The following PRKN variants were observed in gnomAD, a reference collection of about 807,000 sequenced individuals.
The protein encoded by PRKN is E3 ubiquitin-protein ligase parkin.
Under a neutral mutation model 59.5 loss-of-function variants are expected in PRKN, and 56 were observed. The ratio of observed to expected loss-of-function variants is 0.94; its 90% CI spans 0.76 to 1.18. The LOEUF is 1.18. Among genes scored for constraint, PRKN ranks in the 50% most tolerant of loss-of-function variants. PRKN has a pLI of 0.00. For synonymous variants in PRKN, 250 were observed against 222.1 expected (o/e 1.13, Z -1.12); for missense variants, 657 against 596.4 (o/e 1.10, Z -1.06).
intron 3 of PRKN, among the ~76,000 whole-genome samples, chr6:162,249,112 T>G (rs1779322143): frequency 6.6e-6 from 1 of 152,144 alleles, no homozygotes; most frequent in Non-Finnish European, 1.5e-5. Context: ...TCTCTTGACC[T>G]CGTGATCAGC....
intron 1 of PRKN, among the ~76,000 whole-genome samples, chr6:162,647,152 C>T (rs1778215026): frequency 6.6e-6 from 1 of 151,786 alleles, no homozygotes; most frequent in South Asian, 2.1e-4. Flanking sequence ...TCTCTCTCTT[C>T]TAGAGAGAAA....
intron 4 of PRKN, among the ~76,000 whole-genome samples, chr6:162,183,909 C>T (rs184110498): frequency 6.6e-6 from 1 of 152,264 alleles, no homozygotes; most frequent in Admixed American, 6.5e-5. Flanking sequence ...CACCTGACTG[C>T]CCCAGGGAGA....
chr6:161,689,581 T>C (rs940603808), intron 7 of PRKN, among the ~76,000 whole-genome samples: 1 of 152,176 alleles, frequency 6.6e-6, no homozygotes, highest in African/African-American at 2.4e-5. Flanking sequence ...CAGCATGCCC[T>C]GAGTGTCCCT....
intron 5 of PRKN, among the ~76,000 whole-genome samples, chr6:162,020,833 G>A (rs1025505099): frequency 5.3e-5 from 8 of 151,814 alleles, no homozygotes; most frequent in Non-Finnish European, 8.8e-5. Flanking sequence ...GGCCCGGCGC[G>A]GTGGCTCATG....
chr6:162,388,037 C>T (rs1055024916), intron 2 of PRKN, among the ~76,000 whole-genome samples: 1 of 152,162 alleles, frequency 6.6e-6, no homozygotes, highest in Non-Finnish European at 1.5e-5. Context: ...ATATTCTCTG[C>T]AAAGCAGAGA....
chr6:161,374,730 ATATGTGTGGTGTGTGTG>A (rs1562403967), intron 10 of PRKN, among the ~76,000 whole-genome samples: 1 of 2,044 alleles, frequency 4.9e-4, no homozygotes, highest in Non-Finnish European at 1.1e-3. Context: ...CATGTGTGAC[ATATGTGTGGTGTGTGTG>A]TGTGTGTGGT....
intron 2 of PRKN, among the ~76,000 whole-genome samples, chr6:162,309,899 T>C (rs1583354151): frequency 6.6e-6 from 1 of 152,120 alleles, no homozygotes; most frequent in South Asian, 2.1e-4. Context: ...GTGTGTGTTG[T>C]TCCCTATATG....
intron 7 of PRKN, among the ~76,000 whole-genome samples, chr6:161,714,213 G>A (rs1251907660): frequency 6.6e-6 from 1 of 152,154 alleles, no homozygotes; most frequent in Non-Finnish European, 1.5e-5. Flanking sequence ...GAAAAGAGGG[G>A]AAGAAAGAGA....
chr6:162,589,077 G>A (rs1781194387), intron 1 of PRKN, among the ~76,000 whole-genome samples: 1 of 152,062 alleles, frequency 6.6e-6, no homozygotes, highest in Non-Finnish European at 1.5e-5. Flanking sequence ...CATCAATCTT[G>A]TACTGTTATG....
At chr6:162,122,651 C>T (rs1176792773) in intron 4 of PRKN, among the ~76,000 whole-genome samples, 1 of 152,096 alleles carries the variant, frequency 6.6e-6, no homozygotes, top group African/African-American at 2.4e-5. Context: ...TGCTGACTGA[C>T]CTAGAAAAGC....
chr6:162,460,544 T>C (rs74407537), intron 1 of PRKN, among the ~76,000 whole-genome samples: 2,277 of 152,338 alleles, frequency 0.015, 31 homozygotes, highest in Middle Eastern at 0.041. Context: ...AGTAAAACTG[T>C]ATCTCCTCCG....
intron 1 of PRKN, among the ~76,000 whole-genome samples, chr6:162,514,038 TC>T (rs1330029782): frequency 3.3e-5 from 5 of 151,140 alleles, no homozygotes; most frequent in African/African-American, 1.2e-4. Context: ...ACAGCGAGAC[TC>T]CATCTCAAAA....
At chr6:161,834,198 G>T (rs536293868) in intron 6 of PRKN, among the ~76,000 whole-genome samples, 3 of 151,952 alleles carry the variant, frequency 2.0e-5, no homozygotes, top group Non-Finnish European at 4.4e-5. Flanking sequence ...TCTAGGAGCC[G>T]AGAGGTTTGC....
intron 2 of PRKN, among the ~76,000 whole-genome samples, chr6:162,403,325 C>G (rs1787891905): frequency 6.6e-6 from 1 of 152,046 alleles, no homozygotes; most frequent in African/African-American, 2.4e-5. Flanking sequence ...CTTCCCCATG[C>G]AGCCCTGTGC....
At chr6:161,640,761 A>G (rs2128158328) in intron 7 of PRKN, among the ~76,000 whole-genome samples, 1 of 152,328 alleles carries the variant, frequency 6.6e-6, no homozygotes, top group South Asian at 2.1e-4. Context: ...CCTCCCCAGA[A>G]CTAACACAGA....
At chr6:161,644,008 G>C (rs1783836711) in intron 7 of PRKN, among the ~76,000 whole-genome samples, 1 of 152,076 alleles carries the variant, frequency 6.6e-6, no homozygotes. Flanking sequence ...AGAGGAGCAA[G>C]TAAAAAACTA....
intron 1 of PRKN, among the ~76,000 whole-genome samples, chr6:162,535,666 T>C (rs1778686131): frequency 6.6e-6 from 1 of 152,198 alleles, no homozygotes; most frequent in African/African-American, 2.4e-5. Flanking sequence ...CCCAGCACTT[T>C]GGGAGGCCGA....
intron 7 of PRKN, among the ~76,000 whole-genome samples, chr6:161,717,883 A>G (rs1343520250): frequency 2.0e-5 from 3 of 152,100 alleles, no homozygotes. Context: ...TTCCCCTTCC[A>G]TGGTGAGTGG....
intron 2 of PRKN, among the ~76,000 whole-genome samples, chr6:162,383,819 C>T (rs1786631433): frequency 6.6e-6 from 1 of 152,182 alleles, no homozygotes; most frequent in South Asian, 2.1e-4. Context: ...TGATCATAAC[C>T]AGAACTTCTG....
Sources: allele counts gnomAD v4.1 joint callset (sites outside exome capture counted in the v4.1 genomes callset), GRCh38; gene constraint gnomAD v4.1.1; transcripts MANE v1.5; gene names NCBI Gene and HGNC (gene_info 2026-07-23, HGNC 2026-07-21).